The following EML2 variants were observed in gnomAD, a reference collection of about 807,000 sequenced individuals.
EML2 encodes echinoderm microtubule-associated protein-like 2.
EML2 carries 59 observed loss-of-function variants against 84.7 expected under a neutral mutation model. The observed-to-expected ratio is 0.70, with a 90% CI of 0.56 to 0.86. The LOEUF (loss-of-function observed/expected upper bound fraction) is 0.86, where lower values mean the gene tolerates loss of function less well. Ranked by LOEUF, EML2 falls within the 40% of genes least tolerant of loss-of-function variation. The pLI is 0.00. For missense variants in EML2, 818 were observed against 855.6 expected, an observed-to-expected ratio of 0.96 and a Z score of 0.55; for synonymous variants, 352 against 348.9, an observed-to-expected ratio of 1.01 and a Z score of -0.10.
chr19:45,616,412 ACCCCCTGGG>A, intron 15 of EML2, 40 bp downstream of exon 15: 1 of 1,430,674 alleles, frequency 7.0e-7, no homozygotes, highest in South Asian at 1.2e-5. Context: ...TTAATTTTGC[ACCCCCTGGG>A]CGGGGTGGCG....
upstream of EML2, chr19:45,641,677 G>A (rs1974521672): frequency 1.3e-6 from 2 of 1,536,078 alleles, no homozygotes; most frequent in East Asian, 2.4e-5. Context: ...GCTGGAGGAT[G>A]TGGTCCGGCT....
intron 4 of EML2, 73 bp downstream of exon 4, chr19:45,634,249 G>A: frequency 6.3e-7 from 1 of 1,592,416 alleles, no homozygotes; most frequent in Non-Finnish European, 8.6e-7. Context: ...GTGAAAAGAG[G>A]CATAGAGGGG....
At chr19:45,645,155 G>A (rs990240451), upstream of EML2, 2 of 1,196,130 alleles carry the variant, frequency 1.7e-6, no homozygotes, top group African/African-American at 3.1e-5. Flanking sequence ...CTGAGGGAGA[G>A]AAAAGGGGGA....
At chr19:45,638,459 C>A (rs374197729) in intron 3 of EML2, 46 bp downstream of exon 3, 1 of 1,612,770 alleles carries the variant, frequency 6.2e-7, no homozygotes, top group Non-Finnish European at 8.5e-7. Flanking sequence ...TTTCTATTTC[C>A]TCCTGGGGGG....
At chr19:45,624,541 G>A (rs992056523) in intron 9 of EML2, among the ~76,000 whole-genome samples, 178 bp downstream of exon 9, 1 of 152,064 alleles carries the variant, frequency 6.6e-6, no homozygotes, top group Non-Finnish European at 1.5e-5. Context: ...GCAAGGCAGG[G>A]GGGAGTCAAT....
chr19:45,633,555 A>G (rs1973336658), intron 4 of EML2, among the ~76,000 whole-genome samples: 1 of 151,698 alleles, frequency 6.6e-6, no homozygotes, highest in South Asian at 2.1e-4. Context: ...CCTGGCCAAC[A>G]TGGGGAAACC....
At chr19:45,641,641 C>T, upstream of EML2, 1 of 1,536,112 alleles carries the variant, frequency 6.5e-7, no homozygotes. Context: ...CAGTCCTTAC[C>T]CTTCCTTTTT....
Position 45,614,577 on chromosome 19 carries a change from G to T in EML2, c.1693+28C>A, listed in dbSNP as rs769328978. ...ATGTCTCTCAGAACTACTGTCCTCA[G>T]TGAGACCTCTCTCATTCCAGAACTC... is the stretch of plus-strand genomic sequence containing the variant. On this transcript the variant is annotated intron_variant, in intron 17 of 18. Coordinates refer to ENST00000245925, the MANE Select transcript of EML2 (RefSeq NM_012155.4). 16 of 1,594,282 alleles carry T rather than the reference G, an allele frequency of 1.0e-5. No individual in the cohort carries two copies. The East Asian group carries it at 3.4e-4, about 33-fold the overall frequency.
upstream of EML2, chr19:45,641,206 C>G (rs888613707): frequency 5.5e-5 from 9 of 164,314 alleles, no homozygotes; most frequent in Non-Finnish European, 1.2e-4. Flanking sequence ...CTCTGTTACT[C>G]CGTACCCCAG....
At chr19:45,611,478 A>ATTC (rs36012138) in intron 18 of EML2, among the ~76,000 whole-genome samples, 11 of 110,216 alleles carry the variant, frequency 1.0e-4, no homozygotes, top group South Asian at 5.6e-4. Flanking sequence ...ATATGTAACA[A>ATTC]TTCTTCTTCT....
upstream of EML2, among the ~76,000 whole-genome samples, chr19:45,644,489 T>C (rs1974878455): frequency 6.6e-6 from 1 of 152,086 alleles, no homozygotes; most frequent in Admixed American, 6.6e-5. Context: ...ATAGAGGTGC[T>C]TTCATCTTGA....
intron 4 of EML2, among the ~76,000 whole-genome samples, chr19:45,633,627 T>C (rs1233576384): frequency 6.6e-6 from 1 of 151,958 alleles, no homozygotes; most frequent in Non-Finnish European, 1.5e-5. Context: ...TAGTTCCAGC[T>C]ACTCGGGAGA....
At chr19:45,620,995 T>A (rs1400295295) in intron 11 of EML2, 1 of 693,970 alleles carries the variant, frequency 1.4e-6, no homozygotes. Context: ...GGCAGCACAG[T>A]TGGAGCAGGG....
Position 45,614,717 on chromosome 19 carries a change from G to C in EML2, c.1598-17C>G. ...CCGGGTCCCCTGGGGCAGAAAATGG[G>C]AGGAGACATTCAGAGTTGGAAGAAC... On this transcript the variant is annotated splice_polypyrimidine_tract_variant and intron_variant, in intron 16 of 18. Transcript: ENST00000245925. 6.2e-7 allele frequency: 1 copy of C among 1,605,768 alleles called. No individual in the cohort carries two copies. The highest frequency in any genetic ancestry group is 8.5e-7 in the Non-Finnish European group (1 of 1,172,490).
intron 6 of EML2, among the ~76,000 whole-genome samples, chr19:45,630,615 A>G (rs1375820751): frequency 1.3e-5 from 2 of 151,660 alleles, no homozygotes; most frequent in Non-Finnish European, 2.9e-5. Flanking sequence ...ATTAAAATAC[A>G]CCCTCCATTA....
At chr19:45,644,916 A>C, upstream of EML2, 7 of 422,872 alleles carry the variant, frequency 1.7e-5, no homozygotes, top group East Asian at 6.3e-5. Flanking sequence ...TCCCCCTGCT[A>C]TGGAGATAGG....
chr19:45,615,515 C>T (rs1447962248), intron 16 of EML2, among the ~76,000 whole-genome samples: 1 of 88,454 alleles, frequency 1.1e-5, no homozygotes, highest in Non-Finnish European at 2.3e-5. Flanking sequence ...AAGACTCCGT[C>T]TCAAAATAAT....
chr19:45,628,195 C>A (rs901005165), intron 7 of EML2, among the ~76,000 whole-genome samples: 10 of 151,110 alleles, frequency 6.6e-5, no homozygotes, highest in Admixed American at 2.7e-4. Context: ...CGTGGCGAAA[C>A]CCCATCTCTA....
At chr19:45,640,238 A>G (rs1974298129), upstream of EML2, 1 of 152,024 alleles carries the variant, frequency 6.6e-6, no homozygotes, top group Non-Finnish European at 1.5e-5. Context: ...TTTGTTTTTG[A>G]TACAGGGTGT....
Sources: allele counts gnomAD v4.1 joint callset (sites outside exome capture counted in the v4.1 genomes callset), GRCh38; gene constraint gnomAD v4.1.1; transcripts MANE v1.5; gene names NCBI Gene and HGNC (gene_info 2026-07-23, HGNC 2026-07-21).